Variants in DBH observed in about 807,000 individuals in gnomAD.
The protein encoded by DBH is dopamine beta-hydroxylase, also known as dopamine beta-hydroxylase (dopamine beta-monooxygenase).
Under a neutral mutation model 64.0 loss-of-function variants are expected in DBH, and 49 were observed. The observed-to-expected ratio is 0.77, with a 90% confidence interval of 0.61 to 0.97. The LOEUF (loss-of-function observed/expected upper bound fraction) is 0.97. Ranked by LOEUF, DBH falls within the 50% of genes least tolerant of loss-of-function variation. DBH has a pLI of 0.00. For synonymous variants in DBH, 343 were observed against 347.1 expected (o/e 0.99, Z 0.13); for missense variants, 828 against 826.6 (o/e 1.00, Z -0.02).
intron 2 of DBH, among the ~76,000 whole-genome samples, chr9:133,641,444 A>G (rs919917234): frequency 6.6e-6 from 1 of 152,248 alleles, no homozygotes; most frequent in African/African-American, 2.4e-5. Context: ...CAGGCCAGGT[A>G]TAGGGGCCTT....
Position 133,643,332 on chromosome 9 carries a change from T to G in DBH, c.745-81T>G. On this transcript the variant is annotated intron_variant, in intron 3 of 11. Coordinates refer to ENST00000393056, the MANE Select transcript of DBH (RefSeq NM_000787.4). The surrounding 1 kb of genome is among the most constrained non-coding windows in gnomAD (Gnocchi z 5.3). The stretch of plus-strand genomic sequence containing the variant: ...TCCCTCCCATTTTACAGATGGGCAT[T>G]CGGAAGCCCATGGAGGAGGGCTGCT... 1 of 1,436,378 alleles carries G rather than the reference T, an allele frequency of 7.0e-7. No homozygotes were observed. The highest frequency in any genetic ancestry group is 1.2e-5 in the South Asian group (1 of 84,980). The allele number at this position is 1,436,378 out of a possible 1,614,324, so 89.0% of individuals were successfully genotyped here. A position where few individuals can be genotyped will look rare whatever the true frequency, so the allele number is the denominator to read the frequency against.
Position 133,658,524 on chromosome 9 carries a change from G to A in DBH, c.*77G>A, listed in dbSNP as rs777219189. Reference sequence around the variant, plus strand: ...GGCACTGTGCACTCTACTCTGCGACGATCCCCATGGAACAGCCCTGCACGC... The same window carrying A: ...GGCACTGTGCACTCTACTCTGCGACAATCCCCATGGAACAGCCCTGCACGC... On this transcript the variant is annotated 3_prime_UTR_variant, in exon 12 of 12. Transcript: ENST00000393056. 1.1e-5 allele frequency: 16 copies of A among 1,450,158 alleles called. No homozygotes were observed. The highest frequency in any genetic ancestry group is 2.8e-5 in the African/African-American group (2 of 70,364). 89.8% of individuals were successfully genotyped at this position (1,450,158 alleles called of 1,614,324 possible).
intron 10 of DBH, 148 bp downstream of exon 10, chr9:133,656,798 C>T (rs1160963370): frequency 3.6e-6 from 4 of 1,126,006 alleles, no homozygotes; most frequent in South Asian, 2.7e-5. Flanking sequence ...TCCCCTCACT[C>T]GTTTCCTGCT....
chr9:133,644,399 G>T, intron 5 of DBH, 79 bp downstream of exon 5: 1 of 1,180,560 alleles, frequency 8.5e-7, no homozygotes, highest in Non-Finnish European at 1.3e-6. Flanking sequence ...CCCGCCCTTC[G>T]TCTGCCCAGC....
rs71505220 is a variant in DBH at position 133,640,167 on chromosome 9, A to C, written c.486+175A>C. Among the ~76,000 whole-genome samples the C allele has an allele frequency of 4.1e-3, 622 of 152,336 alleles. 7 individuals are homozygous for C. Among genetic ancestry groups the C allele is most frequent in the Non-Finnish European group, 4.3e-3 (292 of 68,022 alleles). On this transcript the variant is annotated intron_variant, in intron 2 of 11. Transcript: ENST00000393056. ...CCAGAGGCAGTGGTGGGGCCAAAGC[A>C]CTTAGGATGGTCCAGCTCTGCTATT...
intron 2 of DBH, among the ~76,000 whole-genome samples, chr9:133,640,439 C>T (rs761572381): frequency 2.6e-5 from 4 of 152,160 alleles, no homozygotes; most frequent in Admixed American, 6.5e-5. Context: ...CCTCACTTTG[C>T]CCATCTGTAA....
At position 133,642,344 on chromosome 9, in the gene DBH, C is replaced by T. The variant is rs75942058; in HGVS notation, c.624C>T (p.Pro208=). Reference sequence around the variant, plus strand: ...CCAATATCCCCGAACCGGAGTTGCCCTCAGACGCGTGCACCATGGAGGTCC... The same window carrying T: ...CCAATATCCCCGAACCGGAGTTGCCTTCAGACGCGTGCACCATGGAGGTCC... ...LKPNIPEPEL[P]SDACTMEVQA... is the part of the protein sequence containing the mutation. The change falls in exon 3 of 12, where the codon CCC becomes CCT. Residue 208 remains proline (P), a synonymous_variant. Coordinates refer to ENST00000393056, the MANE Select transcript of DBH (RefSeq NM_000787.4). 126 of 1,614,070 alleles carry T rather than the reference C, an allele frequency of 7.8e-5. No homozygotes were observed. Among genetic ancestry groups the T allele is most frequent in the Admixed American group, 1.2e-4 (7 of 60,006 alleles).
In DBH at chr9:133,639,833, C is replaced by A. The variant is rs1175367637; in HGVS notation, c.340-13C>A. 3 of 1,607,352 alleles carry A rather than the reference C, an allele frequency of 1.9e-6. No homozygotes were observed. Among genetic ancestry groups the A allele is most frequent in the South Asian group, 2.2e-5 (2 of 89,966 alleles). ...GCTCCTTCATGCCTGGAGCCCAGTG[C>A]TTGTCTCTGCAGGACGCCTGGAGTG... On this transcript the variant is annotated splice_polypyrimidine_tract_variant and intron_variant, in intron 1 of 11. Transcript: ENST00000393056.
chr9:133,655,340 C>G (rs554062694), intron 9 of DBH: 2 of 152,228 alleles, frequency 1.3e-5, no homozygotes, highest in Non-Finnish European at 1.5e-5. Context: ...TACACAGGGT[C>G]GGACTCAGTT....
At chr9:133,647,757 G>A (rs1832199398) in intron 5 of DBH, 89 bp from the exon 6 acceptor site, 1 of 1,525,010 alleles carries the variant, frequency 6.6e-7, no homozygotes, top group African/African-American at 1.4e-5. Context: ...GGCTGAGGGT[G>A]GCTGGGGTCA....
Position 133,643,649 on chromosome 9 carries a change from C to T in DBH, c.921+60C>T. On this transcript the variant is annotated intron_variant, in intron 4 of 11. Coordinates refer to ENST00000393056, the MANE Select transcript of DBH (RefSeq NM_000787.4). This position sits in a 1 kb window ranked among gnomAD's most constrained non-coding sequence, Gnocchi z 5.3. ...GCCTGGGCCCCTGGCATCCCCACAC[C>T]TCTGTTTCCCCAGCTTCACCGTCTC... 6.3e-7 allele frequency: 1 copy of T among 1,582,514 alleles called. No individual in the cohort carries two copies. Among genetic ancestry groups the T allele is most frequent in the Non-Finnish European group, 8.6e-7 (1 of 1,156,988 alleles).
At chr9:133,652,179 G>C in intron 7 of DBH, 67 bp from the exon 8 acceptor site, 4 of 1,590,814 alleles carry the variant, frequency 2.5e-6, no homozygotes, top group Non-Finnish European at 3.4e-6. Flanking sequence ...GGACACAGTG[G>C]CCGGGGGTCT....
Position 133,641,362 on chromosome 9 carries a change from G to A in DBH, c.487-845G>A, listed in dbSNP as rs140156474. On this transcript the variant is annotated intron_variant, in intron 2 of 11. Coordinates refer to ENST00000393056, the MANE Select transcript of DBH (RefSeq NM_000787.4). ...CTGCTTCCCAGTGGACGAGGCAAGG[G>A]TGAGCAGAGAACCCTCTGGAAGCAC... 2.6e-3 allele frequency among the ~76,000 whole-genome samples: 400 copies of A among 152,286 alleles called. 1 individual carries two copies. Among genetic ancestry groups the A allele is most frequent in the Non-Finnish European group, 3.9e-3 (262 of 68,004 alleles).
chr9:133,636,534 CCGGAGGGGT>C lies in DBH; in HGVS notation c.165_173del (p.Glu56_Ser58del). On this transcript the variant is annotated inframe_deletion, in exon 1 of 12. Coordinates refer to ENST00000393056, the MANE Select transcript of DBH (RefSeq NM_000787.4). ...CCTCCCCTATCACATCCCCCTGGAC[CCGGAGGGGT>C]CCCTGGAGCTCTCATGGAATGTCAG... The C allele has an allele frequency of 6.2e-7, 1 of 1,613,546 alleles. No homozygotes were observed. Among genetic ancestry groups the C allele is most frequent in the Non-Finnish European group, 8.5e-7 (1 of 1,180,018 alleles).
chr9:133,656,673 C>A, intron 10 of DBH, 23 bp downstream of exon 10: 2 of 1,610,084 alleles, frequency 1.2e-6, no homozygotes, highest in African/African-American at 1.3e-5. Flanking sequence ...TGCACAAGCT[C>A]CCTGCCCCCA....
At chr9:133,654,319 G>C (rs963938441) in intron 9 of DBH, among the ~76,000 whole-genome samples, 1 of 152,078 alleles carries the variant, frequency 6.6e-6, no homozygotes, top group Non-Finnish European at 1.5e-5. Flanking sequence ...GGCCAGGCTG[G>C]TCTCAAACTC....
At position 133,636,713 on chromosome 9, in the gene DBH, G is replaced by A; in HGVS notation, c.339+3G>A. ...ATGGGGACACTGCCTATTTTGCGGT[G>A]AGTCTCTCCTCCCTGCCAGCTCTCC... On this transcript the variant is annotated splice_donor_region_variant and intron_variant, in intron 1 of 11. Transcript: ENST00000393056. 1.2e-6 allele frequency: 2 copies of A among 1,600,520 alleles called. No homozygotes were observed. The highest frequency in any genetic ancestry group is 2.2e-5 in the South Asian group (2 of 91,028).
At chr9:133,638,116 G>A (rs557320968) in intron 1 of DBH, among the ~76,000 whole-genome samples, 1 of 152,208 alleles carries the variant, frequency 6.6e-6, no homozygotes, top group African/African-American at 2.4e-5. Flanking sequence ...GAAGCCAGGT[G>A]ACTTTGCCTT....
Position 133,644,207 on chromosome 9 carries a change from G to A in DBH, c.922-11G>A. The A allele has an allele frequency of 6.2e-7, 1 of 1,607,604 alleles. No homozygotes were observed. The highest frequency in any genetic ancestry group is 8.5e-7 in the Non-Finnish European group (1 of 1,174,104). ...GACACACCCGTCTGTCTGACACCTTGCCCCACACAGGCATTTTACTACCCA... is the reference window on the plus strand; with the variant it reads ...GACACACCCGTCTGTCTGACACCTTACCCCACACAGGCATTTTACTACCCA... On this transcript the variant is annotated splice_polypyrimidine_tract_variant and intron_variant, in intron 4 of 11. Coordinates refer to ENST00000393056, the MANE Select transcript of DBH (RefSeq NM_000787.4).
Sources: gnomAD v4.1 joint callset for allele counts (sites outside exome capture counted in the v4.1 genomes callset) on GRCh38, gnomAD v4.1.1 for gene constraint, Gnocchi (gnomAD v3.1) non-coding constraint, MANE v1.5 for transcripts, NCBI Gene and HGNC (gene_info 2026-07-23, HGNC 2026-07-21) for gene names.